Variants in EPG5 observed in about 807,000 individuals in gnomAD.
EPG5 encodes ectopic P granules protein 5 homolog.
A neutral mutation model predicts 302.7 loss-of-function variants in EPG5; 159 were observed. That is an observed-to-expected ratio of 0.53 (90% CI 0.46 to 0.60). EPG5 has a LOEUF of 0.60. EPG5 is among the 20% of genes least tolerant of loss of function. The pLI is 0.00. For missense variants in EPG5, 2,896 were observed against 3,092.4 expected (o/e 0.94, Z 1.51); for synonymous variants, 1,158 against 1,136.8 (o/e 1.02, Z -0.37).
rs763628666 is a variant in EPG5, at chr18:45,852,471, C to T, written c.7736G>A (p.Arg2579Gln). 51 of 1,613,188 alleles carry T rather than the reference C, an allele frequency of 3.2e-5. No homozygotes were observed. Among genetic ancestry groups the T allele is most frequent in the South Asian group, 2.9e-4 (26 of 90,884 alleles). The change falls in exon 44 of 44, where the codon CGA (arginine) becomes CAA (glutamine). Residue 2579 changes from arginine to glutamine, a missense_variant. Physicochemically the swap from Arg to Gln is conservative, Grantham distance 43. Transcript: ENST00000282041. ...YPEVHYLDHIR is the reference protein window; with the variant it reads ...YPEVHYLDHIQ Reference sequence around the variant, plus strand: ...TTTCAAGAGCCTCAGTGTTAACTATCGTATGTGGTCCAAATAATGCACTTC... The same window carrying T: ...TTTCAAGAGCCTCAGTGTTAACTATTGTATGTGGTCCAAATAATGCACTTC...
intron 30 of EPG5, among the ~76,000 whole-genome samples, chr18:45,883,539 C>T (rs907277852): frequency 2.7e-5 from 4 of 148,504 alleles, no homozygotes; most frequent in African/African-American, 1.0e-4. Context: ...CAGCTCACTG[C>T]AGCCTCAACC....
chr18:45,895,352 G>C (rs2049447039), intron 27 of EPG5, among the ~76,000 whole-genome samples: 1 of 152,192 alleles, frequency 6.6e-6, no homozygotes, highest in Admixed American at 6.5e-5. Context: ...TTCTGGACTA[G>C]AGAAACAGAA....
chr18:45,964,830 G>A (rs2051215469), intron 1 of EPG5, among the ~76,000 whole-genome samples: 2 of 152,128 alleles, frequency 1.3e-5, no homozygotes. Context: ...TACCCAGCCT[G>A]TAATCCCAGC....
chr18:45,825,016 G>A, the EPG5 span, among the ~76,000 whole-genome samples: 1 of 152,006 alleles, frequency 6.6e-6, no homozygotes, highest in Non-Finnish European at 1.5e-5. Flanking sequence ...CTGTCTAAGG[G>A]AGAAACTGCT....
intron 29 of EPG5, 88 bp downstream of exon 29, chr18:45,887,663 T>C (rs2049247538): frequency 1.8e-5 from 21 of 1,169,486 alleles, no homozygotes; most frequent in Non-Finnish European, 2.4e-5. Context: ...GTAATATAAG[T>C]CTGAAGTCAA....
At chr18:45,844,577 C>T (rs2048350208), downstream of EPG5, among the ~76,000 whole-genome samples, 1 of 152,144 alleles carries the variant, frequency 6.6e-6, no homozygotes, top group Non-Finnish European at 1.5e-5. Flanking sequence ...GGCAGTGATG[C>T]TTTTTCCAGG....
the EPG5 span, among the ~76,000 whole-genome samples, chr18:45,827,405 C>G: frequency 2.0e-5 from 3 of 152,170 alleles, no homozygotes; most frequent in Non-Finnish European, 4.4e-5. Flanking sequence ...AGGGAAGGAG[C>G]TATCTTTTCC....
intron 43 of EPG5, among the ~76,000 whole-genome samples, chr18:45,854,048 G>A (rs1174799758): frequency 6.6e-6 from 1 of 152,216 alleles, no homozygotes; most frequent in Non-Finnish European, 1.5e-5. Flanking sequence ...GGCCTGGGCA[G>A]CCCAGGGCCC....
the EPG5 span, among the ~76,000 whole-genome samples, chr18:45,828,132 C>T: frequency 6.6e-6 from 1 of 152,272 alleles, no homozygotes; most frequent in African/African-American, 2.4e-5. Context: ...GCAGGAGGCC[C>T]GAGGAGCAGG....
the EPG5 span, chr18:45,825,365 G>A: frequency 1.1e-5 from 3 of 266,392 alleles, no homozygotes; most frequent in Non-Finnish European, 1.4e-5. Flanking sequence ...AGGGAGGAAG[G>A]AAGGGTGAGC....
chr18:45,837,411 G>C, the EPG5 span: 1 of 1,373,244 alleles, frequency 7.3e-7, no homozygotes, highest in Non-Finnish European at 9.4e-7. Context: ...TTCCAGGCTA[G>C]GGGTTGGGGG....
In EPG5 at chr18:45,908,584, C is replaced by T. The variant is rs563088678; in HGVS notation, c.4206-503G>A. Among the ~76,000 whole-genome samples, 21 of 152,240 alleles carry T rather than the reference C, an allele frequency of 1.4e-4. 1 individual carries two copies. The highest frequency in any genetic ancestry group is 1.2e-3 in the Admixed American group (18 of 15,282). On this transcript the variant is annotated intron_variant, in intron 23 of 43. Coordinates refer to ENST00000282041, the MANE Select transcript of EPG5 (RefSeq NM_020964.3). ...AGAACCATCTCCCACCTCAGAGAAT[C>T]GCAAATAAATATCACAGCATGTGTG...
intron 16 of EPG5, among the ~76,000 whole-genome samples, chr18:45,919,414 A>G (rs2050102849): frequency 2.0e-5 from 3 of 152,224 alleles, no homozygotes; most frequent in Admixed American, 2.0e-4. Context: ...TGGTCCCAGA[A>G]TGGATACAAG....
chr18:45,858,403 A>G (rs1032041632), intron 41 of EPG5, among the ~76,000 whole-genome samples, 163 bp downstream of exon 41: 1 of 152,256 alleles, frequency 6.6e-6, no homozygotes, highest in African/African-American at 2.4e-5. Flanking sequence ...TCAGAAGATT[A>G]GCCTATTAAT....
At chr18:45,918,033 A>G (rs1426294029) in intron 16 of EPG5, among the ~76,000 whole-genome samples, 1 of 152,234 alleles carries the variant, frequency 6.6e-6, no homozygotes, top group Non-Finnish European at 1.5e-5. Flanking sequence ...TGGATGAGGA[A>G]GGTGAAGTAT....
chr18:45,916,021 G>A lies in EPG5; in HGVS notation c.3570C>T (p.Tyr1190=). ...ACAGGTTAATTACCTTATGTTGTTG[G>A]TAGAGTAATTTCTGTATGCAGTCTT... The part of the protein sequence containing the change: ...MQEDCIQKLL[Y]QQHKNALGYH... Residue 1190 remains tyrosine (Y), a synonymous_variant, in exon 19 of 44, where the codon TAC becomes TAT. Coordinates refer to ENST00000282041, the MANE Select transcript of EPG5 (RefSeq NM_020964.3). 1 of 1,611,842 alleles carries A rather than the reference G, an allele frequency of 6.2e-7. No individual in the cohort carries two copies. Among genetic ancestry groups the A allele is most frequent in the South Asian group, 1.1e-5 (1 of 90,864 alleles).
Position 45,939,632 on chromosome 18 carries a change from CA to C in EPG5, c.2066del (p.Leu689Ter), listed in dbSNP as rs2050617604. 3 of 1,614,160 alleles carry C rather than the reference CA, an allele frequency of 1.9e-6. No individual in the cohort carries two copies. Among genetic ancestry groups the C allele is most frequent in the Non-Finnish European group, 2.5e-6 (3 of 1,180,024 alleles). On this transcript the variant is annotated frameshift_variant, in exon 10 of 44. Transcript: ENST00000282041. LOFTEE classifies it high-confidence loss of function. ...CCTTCAGCACATGTAGGACAGCCCT[CA>C]AAAACAGTTCATCAAATTCAACCTG... ...KLQVEFDELF[L>X]RAVLHVLKAK...
At chr18:45,842,396 G>T in the EPG5 span, 2 of 586,056 alleles carry the variant, frequency 3.4e-6, no homozygotes, top group Middle Eastern at 4.6e-4. Flanking sequence ...TGATATTTTT[G>T]CCAGCATTTC....
rs1387370344 is a variant in EPG5, at chr18:45,934,917, C to G, written c.2149G>C (p.Val717Leu). Residue 717 changes from valine (V) to leucine (L), a missense_variant, in exon 11 of 44, where the codon GTG becomes CTG. By Grantham distance (32) the Val-to-Leu change is conservative. Coordinates refer to ENST00000282041, the MANE Select transcript of EPG5 (RefSeq NM_020964.3). ...TAGAAGAGCTTCCACAGCATTTGCA[C>G]AGACAGAGTCCCAAAGGGCATCTCG... ...MSEMPFGTLS[V>L]QMLWKLFYLM... 1.2e-6 allele frequency: 2 copies of G among 1,614,114 alleles called. No homozygotes were observed. The highest frequency in any genetic ancestry group is 1.7e-6 in the Non-Finnish European group (2 of 1,180,014).
Sources: allele counts gnomAD v4.1 joint callset (sites outside exome capture counted in the v4.1 genomes callset), GRCh38; gene constraint gnomAD v4.1.1; transcripts MANE v1.5; gene names NCBI Gene and HGNC (gene_info 2026-07-23, HGNC 2026-07-21).